PPFIA2: variants seen among roughly 807,000 people sequenced by gnomAD.
PPFIA2 encodes PPFI scaffold protein A2, also known as liprin-alpha-2.
PPFIA2 carries 46 observed loss-of-function variants against 175.5 expected under a neutral mutation model. The observed-to-expected ratio is 0.26, with a 90% confidence interval of 0.21 to 0.34. The LOEUF (loss-of-function observed/expected upper bound fraction) is 0.34, where lower values mean the gene tolerates loss of function less well. Ranked by LOEUF, PPFIA2 falls within the 10% of genes least tolerant of loss-of-function variation. The probability of loss-of-function intolerance (pLI) is 1.00; values close to 1 mark genes in which losing one functional copy is unlikely to be tolerated. For synonymous variants in PPFIA2, 568 were observed against 511.4 expected (o/e 1.11, Z -1.49); for missense variants, 1,179 against 1,506.1 (o/e 0.78, Z 3.60).
intron 4 of PPFIA2, among the ~76,000 whole-genome samples, chr12:81,630,881 C>CTATATATATATATATATA (rs67242917): frequency 7.1e-6 from 1 of 140,664 alleles, no homozygotes; most frequent in African/African-American, 2.6e-5. Flanking sequence ...TATGGAAAGG[C>CTATATATATATATATATA]TATATATATA....
At chr12:81,605,692 TA>T (rs2060234827) in intron 4 of PPFIA2, among the ~76,000 whole-genome samples, 1 of 145,322 alleles carries the variant, frequency 6.9e-6, no homozygotes, top group South Asian at 2.1e-4. Flanking sequence ...TCTATCTATC[TA>T]ATCTGTCTAT....
chr12:81,589,255 A>G (rs1259830023), intron 4 of PPFIA2, among the ~76,000 whole-genome samples: 1 of 152,026 alleles, frequency 6.6e-6, no homozygotes, highest in Non-Finnish European at 1.5e-5. Context: ...GAAGAGTTAT[A>G]ACTTCCTATC....
At chr12:81,632,615 TC>T (rs2063517442) in intron 4 of PPFIA2, among the ~76,000 whole-genome samples, 1 of 152,214 alleles carries the variant, frequency 6.6e-6, no homozygotes, top group Non-Finnish European at 1.5e-5. Flanking sequence ...TCTTTGCCTT[TC>T]CAATTCTCTT....
chr12:81,532,952 A>G (rs751484991), intron 4 of PPFIA2, among the ~76,000 whole-genome samples: 144 of 145,592 alleles, frequency 9.9e-4, no homozygotes, highest in South Asian at 1.1e-3. Flanking sequence ...ATCTTCATTT[A>G]ACAAATATCA....
At chr12:81,501,265 T>C (rs2060565309) in intron 4 of PPFIA2, among the ~76,000 whole-genome samples, 1 of 152,200 alleles carries the variant, frequency 6.6e-6, no homozygotes, top group African/African-American at 2.4e-5. Flanking sequence ...GCACTTGATA[T>C]TCCCTTCACC....
chr12:81,532,984 A>T (rs1446962453), intron 4 of PPFIA2, among the ~76,000 whole-genome samples: 2 of 151,166 alleles, frequency 1.3e-5, no homozygotes, highest in South Asian at 4.2e-4. Flanking sequence ...TTTGTTAGTA[A>T]TGTGTTTCTT....
intron 4 of PPFIA2, among the ~76,000 whole-genome samples, chr12:81,596,371 T>C (rs1172756086): frequency 3.3e-5 from 5 of 152,264 alleles, no homozygotes; most frequent in South Asian, 2.1e-4. Context: ...TTGTCTGTTA[T>C]AGACCTCAGG....
chr12:81,290,076 TA>T (rs1165307570), intron 24 of PPFIA2, among the ~76,000 whole-genome samples: 2 of 151,784 alleles, frequency 1.3e-5, no homozygotes, highest in Non-Finnish European at 3.0e-5. Flanking sequence ...AATAAATAAA[TA>T]AAAGTTAAAA....
chr12:81,714,055 G>A (rs1270156756), intron 3 of PPFIA2, among the ~76,000 whole-genome samples: 2 of 151,056 alleles, frequency 1.3e-5, no homozygotes, highest in Non-Finnish European at 2.9e-5. Context: ...ACTATTTTAG[G>A]AAGAGTTCTG....
chr12:81,629,333 A>C (rs1192102865), intron 4 of PPFIA2, among the ~76,000 whole-genome samples: 1 of 152,236 alleles, frequency 6.6e-6, no homozygotes, highest in Non-Finnish European at 1.5e-5. Context: ...AAGATTAAAA[A>C]TAACTGATTA....
At chr12:81,458,547 AAT>A (rs1023132431) in intron 4 of PPFIA2, among the ~76,000 whole-genome samples, 1 of 152,134 alleles carries the variant, frequency 6.6e-6, no homozygotes, top group African/African-American at 2.4e-5. Context: ...AGTTGATAGA[AAT>A]AGGTCATATT....
At chr12:81,551,599 G>A (rs2067935656) in intron 4 of PPFIA2, among the ~76,000 whole-genome samples, 1 of 151,824 alleles carries the variant, frequency 6.6e-6, no homozygotes, top group South Asian at 2.1e-4. Flanking sequence ...CATGGATTTT[G>A]GTTTCTGAGG....
At chr12:81,335,080 G>A (rs754693173) in intron 21 of PPFIA2, among the ~76,000 whole-genome samples, 3 of 152,154 alleles carry the variant, frequency 2.0e-5, no homozygotes, top group East Asian at 1.9e-4. Context: ...GTGGTAGGTC[G>A]TAAAGTGATT....
intron 4 of PPFIA2, among the ~76,000 whole-genome samples, chr12:81,625,484 A>G (rs948831788): frequency 6.6e-6 from 1 of 151,916 alleles, no homozygotes; most frequent in African/African-American, 2.4e-5. Context: ...TAGGAATTTG[A>G]TGGCATGAGT....
chr12:81,618,913 C>G (rs2061715805), intron 4 of PPFIA2, among the ~76,000 whole-genome samples: 1 of 152,070 alleles, frequency 6.6e-6, no homozygotes, highest in Non-Finnish European at 1.5e-5. Flanking sequence ...AATTATTAGT[C>G]GAGTACCTAT....
intron 31 of PPFIA2, among the ~76,000 whole-genome samples, chr12:81,262,412 C>G (rs1380909487): frequency 6.6e-6 from 1 of 152,110 alleles, no homozygotes; most frequent in African/African-American, 2.4e-5. Flanking sequence ...TTAAATTCCT[C>G]ATGAATTTCG....
intron 4 of PPFIA2, among the ~76,000 whole-genome samples, chr12:81,511,843 A>G (rs564573542): frequency 4.0e-4 from 61 of 152,152 alleles, no homozygotes; most frequent in African/African-American, 1.3e-3. Flanking sequence ...TTTCTACAGG[A>G]AGCAGACAGT....
chr12:81,525,662 G>A (rs2063650636), intron 4 of PPFIA2, among the ~76,000 whole-genome samples: 1 of 151,994 alleles, frequency 6.6e-6, no homozygotes, highest in Admixed American at 6.6e-5. Context: ...CTGTGATAAT[G>A]TGTGCTGTCT....
At chr12:81,499,775 C>T (rs947732183) in intron 4 of PPFIA2, among the ~76,000 whole-genome samples, 13 of 151,900 alleles carry the variant, frequency 8.6e-5, no homozygotes, top group African/African-American at 2.9e-4. Flanking sequence ...ATTCATACCA[C>T]CTCAGTATGG....
Sources: allele counts gnomAD v4.1 joint callset (sites outside exome capture counted in the v4.1 genomes callset), GRCh38; gene constraint gnomAD v4.1.1; transcripts MANE v1.5; gene names NCBI Gene and HGNC (gene_info 2026-07-23, HGNC 2026-07-21).